KPNA4: variants seen among roughly 807,000 people sequenced by gnomAD.
KPNA4 encodes importin subunit alpha-3.
Under a neutral mutation model 71.3 loss-of-function variants are expected in KPNA4, and 13 were observed. That is an observed-to-expected ratio of 0.18 (90% CI 0.12 to 0.29). The LOEUF (loss-of-function observed/expected upper bound fraction) is 0.29. Ranked by LOEUF, KPNA4 falls within the 10% of genes least tolerant of loss-of-function variation. The pLI is 1.00. For synonymous variants in KPNA4, 189 were observed against 195.2 expected (o/e 0.97, Z 0.26); for missense variants, 334 against 603.2 (o/e 0.55, Z 4.67).
chr3:160,556,175 T>C (rs1050601790), intron 1 of KPNA4, among the ~76,000 whole-genome samples: 6 of 152,246 alleles, frequency 3.9e-5, no homozygotes, highest in African/African-American at 1.4e-4. Flanking sequence ...AATGCTGCTA[T>C]GAACACTCAT....
rs542406927 is a variant in KPNA4, at chr3:160,495,558, C to A, written c.*6546G>T. On this transcript the variant is annotated 3_prime_UTR_variant, in exon 17 of 17. Transcript: ENST00000334256. ...AAAAACTAGCTTGTCTATATGAGTT[C>A]TATAAACATATGTAATTTTACCTTA... 6.6e-6 allele frequency: 1 copy of A among 152,062 alleles called. No individual in the cohort carries two copies. The highest frequency in any genetic ancestry group is 2.1e-4 in the South Asian group (1 of 4,800). 9.4% of individuals were successfully genotyped at this position (152,062 alleles called of 1,614,324 possible). A position where few individuals can be genotyped will look rare whatever the true frequency, so the allele number is the denominator to read the frequency against.
intron 5 of KPNA4, among the ~76,000 whole-genome samples, chr3:160,534,870 C>T (rs886486438): frequency 6.6e-6 from 1 of 151,222 alleles, no homozygotes; most frequent in African/African-American, 2.4e-5. Flanking sequence ...ATTACAGGTG[C>T]CCACAACCAT....
intron 1 of KPNA4, among the ~76,000 whole-genome samples, chr3:160,552,998 A>T (rs142945702): frequency 5.8e-4 from 89 of 152,148 alleles, no homozygotes; most frequent in African/African-American, 2.1e-3. Flanking sequence ...TATTATTATT[A>T]TTTTTTAAAA....
intron 1 of KPNA4, among the ~76,000 whole-genome samples, chr3:160,559,626 A>C (rs1488465198): frequency 6.6e-6 from 1 of 152,112 alleles, no homozygotes; most frequent in Non-Finnish European, 1.5e-5. Flanking sequence ...ATCTTTAAGA[A>C]ACTACCTCTT....
chr3:160,539,723 G>T (rs190506440), intron 1 of KPNA4, among the ~76,000 whole-genome samples: 1 of 152,286 alleles, frequency 6.6e-6, no homozygotes, highest in Admixed American at 6.5e-5. Flanking sequence ...CATTACTTAA[G>T]ACTGTTCAAC....
intron 1 of KPNA4, among the ~76,000 whole-genome samples, chr3:160,563,488 C>A (rs1407690946): frequency 6.6e-6 from 1 of 152,110 alleles, no homozygotes; most frequent in African/African-American, 2.4e-5. Flanking sequence ...ACACTAAAAG[C>A]CACTTTAAGT....
intron 1 of KPNA4, chr3:160,564,481 G>A (rs1280713186): frequency 6.6e-6 from 1 of 152,386 alleles, no homozygotes; most frequent in African/African-American, 2.4e-5. Flanking sequence ...TTGTGGACAA[G>A]CTGAAATAAG....
At chr3:160,513,925 T>C in intron 13 of KPNA4, 152 bp downstream of exon 13, 1 of 300,130 alleles carries the variant, frequency 3.3e-6, no homozygotes, top group Non-Finnish European at 5.7e-6. Flanking sequence ...AATGGCTAGG[T>C]TCAAAAGTCG....
intron 1 of KPNA4, among the ~76,000 whole-genome samples, chr3:160,547,485 C>T (rs974759397): frequency 6.6e-6 from 1 of 152,076 alleles, no homozygotes; most frequent in Admixed American, 6.6e-5. Context: ...CATATATTCC[C>T]TGCCCCCACA....
intron 2 of KPNA4, among the ~76,000 whole-genome samples, chr3:160,536,170 T>A (rs1721689930): frequency 6.6e-6 from 1 of 152,078 alleles, no homozygotes; most frequent in Non-Finnish European, 1.5e-5. Flanking sequence ...AACAAAAGTT[T>A]GACTAAAAAA....
At chr3:160,550,135 T>C (rs376784787) in intron 1 of KPNA4, among the ~76,000 whole-genome samples, 15 of 152,210 alleles carry the variant, frequency 9.9e-5, no homozygotes, top group South Asian at 2.1e-4. Context: ...TTTAGGGTGA[T>C]TGTGTCATCT....
Position 160,501,975 on chromosome 3 carries a change from C to A in KPNA4, c.*129G>T, listed in dbSNP as rs1720891160. ...TTTCTTTCCCGATTTAATGCAGCAGCAGATCCCATGAGCCAAGCTTGATGG... is the reference window on the plus strand; with the variant it reads ...TTTCTTTCCCGATTTAATGCAGCAGAAGATCCCATGAGCCAAGCTTGATGG... On this transcript the variant is annotated 3_prime_UTR_variant, in exon 17 of 17. Coordinates refer to ENST00000334256, the MANE Select transcript of KPNA4 (RefSeq NM_002268.5). 6.8e-6 allele frequency: 2 copies of A among 292,954 alleles called. No homozygotes were observed. The allele number at this position is 292,954 out of a possible 1,614,324, so 18.1% of individuals were successfully genotyped here. A position where few individuals can be genotyped will look rare whatever the true frequency, so the allele number is the denominator to read the frequency against.
rs1286848741 is a variant in KPNA4, at chr3:160,496,315, T to C, written c.*5789A>G. On this transcript the variant is annotated 3_prime_UTR_variant, in exon 17 of 17. Coordinates refer to ENST00000334256, the MANE Select transcript of KPNA4 (RefSeq NM_002268.5). Reference sequence around the variant, plus strand: ...CTATGCACAAAGGATGGGGGAAAGGTGGCTCACAGGGCTTAAACATCAGAG... The same window carrying C: ...CTATGCACAAAGGATGGGGGAAAGGCGGCTCACAGGGCTTAAACATCAGAG... 6.6e-6 allele frequency: 1 copy of C among 152,118 alleles called. No homozygotes were observed. The highest frequency in any genetic ancestry group is 1.5e-5 in the Non-Finnish European group (1 of 68,078). The allele number at this position is 152,118 out of a possible 1,614,324, so 9.4% of individuals were successfully genotyped here.
In KPNA4 at chr3:160,565,401, C is replaced by G; in HGVS notation, c.-119G>C. On this transcript the variant is annotated 5_prime_UTR_variant, in exon 1 of 17. Transcript: ENST00000334256. ...CTGAGCTGCTGTGCCCGCCGCGCCG[C>G]CGCTTCCTTCCTCCTCTCACCTGCC... The G allele has an allele frequency of 1.3e-6, 1 of 769,176 alleles. No individual in the cohort carries two copies. The highest frequency in any genetic ancestry group is 2.1e-6 in the Non-Finnish European group (1 of 469,662). The allele number at this position is 769,176 out of a possible 1,614,324, so 47.6% of individuals were successfully genotyped here. A position where few individuals can be genotyped will look rare whatever the true frequency, so the allele number is the denominator to read the frequency against.
At chr3:160,544,136 G>A (rs925371306) in intron 1 of KPNA4, among the ~76,000 whole-genome samples, 28 of 152,178 alleles carry the variant, frequency 1.8e-4, no homozygotes, top group African/African-American at 6.8e-4. Context: ...GGGATTACAG[G>A]CATGAGCCAC....
At chr3:160,565,060 G>A (rs1488746048) in intron 1 of KPNA4, among the ~76,000 whole-genome samples, 154 bp downstream of exon 1, 1 of 151,610 alleles carries the variant, frequency 6.6e-6, no homozygotes, top group Non-Finnish European at 1.5e-5. Flanking sequence ...ACTTCCCGGC[G>A]CGCTAGCAGA....
intron 1 of KPNA4, among the ~76,000 whole-genome samples, chr3:160,552,871 G>A (rs899519760): frequency 3.9e-5 from 6 of 152,108 alleles, no homozygotes; most frequent in African/African-American, 1.4e-4. Flanking sequence ...AGAGTGAGAC[G>A]GAGAAGTAGA....
intron 8 of KPNA4, 121 bp from the exon 9 acceptor site, chr3:160,526,228 T>C: frequency 1.5e-6 from 1 of 658,236 alleles, no homozygotes; most frequent in Non-Finnish European, 2.3e-6. Flanking sequence ...TGTTCAGTTT[T>C]AGACAATAAC....
rs185775300 is a variant in KPNA4 at position 160,497,305 on chromosome 3, C to G, written c.*4799G>C. 6.6e-6 allele frequency: 1 copy of G among 152,308 alleles called. No homozygotes were observed. The highest frequency in any genetic ancestry group is 2.4e-5 in the African/African-American group (1 of 41,532). 9.4% of individuals were successfully genotyped at this position (152,308 alleles called of 1,614,324 possible). ...TAGCGTACTCCTGTAATCCCAGCTACTCAGGAGGCTGAGGCAGAATTGCTT... is the reference window on the plus strand; with the variant it reads ...TAGCGTACTCCTGTAATCCCAGCTAGTCAGGAGGCTGAGGCAGAATTGCTT... On this transcript the variant is annotated 3_prime_UTR_variant, in exon 17 of 17. Coordinates refer to ENST00000334256, the MANE Select transcript of KPNA4 (RefSeq NM_002268.5).
Sources: allele counts gnomAD v4.1 joint callset (sites outside exome capture counted in the v4.1 genomes callset), GRCh38; gene constraint gnomAD v4.1.1; transcripts MANE v1.5; gene names NCBI Gene and HGNC (gene_info 2026-07-23, HGNC 2026-07-21).